SMARCA2: variants seen among roughly 807,000 people sequenced by gnomAD.
The protein encoded by SMARCA2 is SWI/SNF-related matrix-associated actin-dependent regulator of chromatin subfamily A member 2.
Under a neutral mutation model 199.8 loss-of-function variants are expected in SMARCA2, and 61 were observed. The observed-to-expected ratio is 0.31, with a 90% CI of 0.25 to 0.38. The LOEUF (loss-of-function observed/expected upper bound fraction) is 0.38. Ranked by LOEUF, SMARCA2 falls within the 10% of genes least tolerant of loss-of-function variation. The pLI is 1.00. For missense variants in SMARCA2, 1,344 were observed against 2,012.2 expected, an observed-to-expected ratio of 0.67 and a Z score of 6.35; for synonymous variants, 935 against 732.0, an observed-to-expected ratio of 1.28 and a Z score of -4.48.
At chr9:2,084,326 T>C in intron 17 of SMARCA2, 130 bp downstream of exon 17, 1 of 603,998 alleles carries the variant, frequency 1.7e-6, no homozygotes, top group Non-Finnish European at 2.9e-6. Flanking sequence ...TAAAATTTTT[T>C]CAGAGTTTGA....
intron 27 of SMARCA2, among the ~76,000 whole-genome samples, chr9:2,154,752 C>T (rs1044306595): frequency 3.3e-5 from 5 of 152,230 alleles, no homozygotes; most frequent in African/African-American, 1.2e-4. Flanking sequence ...TGTATTTTAT[C>T]TGTCTTAAAA....
intron 32 of SMARCA2, among the ~76,000 whole-genome samples, chr9:2,188,740 C>G (rs1827667641): frequency 6.6e-6 from 1 of 152,200 alleles, no homozygotes; most frequent in South Asian, 2.1e-4. Flanking sequence ...ATGAGTCTCC[C>G]TGGACTAAGA....
chr9:2,154,361 G>A (rs1380510974), intron 27 of SMARCA2, among the ~76,000 whole-genome samples: 1 of 152,074 alleles, frequency 6.6e-6, no homozygotes, highest in Non-Finnish European at 1.5e-5. Context: ...AAAAGTTGGG[G>A]CTATTTTTTT....
rs1037911923 is a variant in SMARCA2 at position 2,119,266 on chromosome 9, C to T, written c.3685-192C>T. Among the ~76,000 whole-genome samples the T allele has an allele frequency of 3.9e-5, 6 of 152,168 alleles. No individual in the cohort carries two copies. Among genetic ancestry groups the T allele is most frequent in the East Asian group, 1.9e-4 (1 of 5,198 alleles). ...AGTGGACCACAGTTTCCTCCCTGAA[C>T]GGATTTTGCTCTGGGAAGATGGTTT... On this transcript the variant is annotated intron_variant, in intron 25 of 33. Coordinates refer to ENST00000349721, the MANE Select transcript of SMARCA2 (RefSeq NM_003070.5). This position sits in a 1 kb window ranked among gnomAD's most constrained non-coding sequence, Gnocchi z 4.6.
chr9:2,142,328 A>G (rs901091707), intron 27 of SMARCA2, among the ~76,000 whole-genome samples: 3 of 152,262 alleles, frequency 2.0e-5, no homozygotes, highest in Non-Finnish European at 4.4e-5. Flanking sequence ...AGGGTAGAGG[A>G]AAGCAGAAAT....
chr9:2,101,029 A>G (rs999525301), intron 21 of SMARCA2, among the ~76,000 whole-genome samples: 2 of 152,110 alleles, frequency 1.3e-5, no homozygotes, highest in Non-Finnish European at 2.9e-5. Flanking sequence ...ATTCACAACC[A>G]TGAGAACGGC....
At chr9:2,113,735 A>T (rs1020232715) in intron 24 of SMARCA2, among the ~76,000 whole-genome samples, 1 of 152,106 alleles carries the variant, frequency 6.6e-6, no homozygotes, top group African/African-American at 2.4e-5. Flanking sequence ...CCGTGTTCCT[A>T]TGTTGTCCAT....
chr9:2,026,438 CGAG>C (rs1240043100), intron 1 of SMARCA2, among the ~76,000 whole-genome samples: 1 of 151,952 alleles, frequency 6.6e-6, no homozygotes, highest in Non-Finnish European at 1.5e-5. Context: ...GCAAAAAAAA[CGAG>C]GAGCATTTTT....
At chr9:2,120,983 A>T (rs1421147723) in intron 26 of SMARCA2, among the ~76,000 whole-genome samples, 1 of 152,192 alleles carries the variant, frequency 6.6e-6, no homozygotes, top group African/African-American at 2.4e-5. Context: ...TCCTTGAAGA[A>T]CTAATTAAAA....
At chr9:2,067,271 A>G (rs1405965632) in intron 9 of SMARCA2, among the ~76,000 whole-genome samples, 1 of 152,264 alleles carries the variant, frequency 6.6e-6, no homozygotes, top group Non-Finnish European at 1.5e-5. Flanking sequence ...CTAAGTGGAA[A>G]GCATTGTTCT....
At chr9:2,087,387 T>C (rs534923418) in intron 18 of SMARCA2, 2 of 279,984 alleles carry the variant, frequency 7.1e-6, no homozygotes, top group South Asian at 1.2e-4. Context: ...ATGGAGATAT[T>C]TTGCTGAAGT....
chr9:2,154,216 A>G (rs1825221623), intron 27 of SMARCA2, among the ~76,000 whole-genome samples: 1 of 152,214 alleles, frequency 6.6e-6, no homozygotes, highest in Non-Finnish European at 1.5e-5. Context: ...TACCCAAAGC[A>G]CTGAGTGGCT....
intron 27 of SMARCA2, chr9:2,157,899 C>G (rs1361426870): frequency 2.5e-6 from 1 of 398,510 alleles, no homozygotes; most frequent in East Asian, 3.6e-5. Flanking sequence ...TGGTGTGTGT[C>G]AGGATGAGAG....
chr9:2,045,575 A>G (rs1348401740), intron 4 of SMARCA2: 1 of 152,204 alleles, frequency 6.6e-6, no homozygotes, highest in Non-Finnish European at 1.5e-5. Flanking sequence ...TATAAAAGGT[A>G]TGCATTACAT....
intron 27 of SMARCA2, among the ~76,000 whole-genome samples, chr9:2,137,828 G>GGGCT (rs1824274972): frequency 6.6e-6 from 1 of 152,146 alleles, no homozygotes; most frequent in Non-Finnish European, 1.5e-5. Flanking sequence ...GAGGGATTTG[G>GGGCT]TTGCAGCCCC....
chr9:2,027,042 C>T (rs925413654), intron 1 of SMARCA2, among the ~76,000 whole-genome samples: 1 of 152,264 alleles, frequency 6.6e-6, no homozygotes, highest in South Asian at 2.1e-4. Context: ...CTTCCTGTTT[C>T]AGCTCTAATT....
rs1271812474 is a variant in SMARCA2 at position 2,161,443 on chromosome 9, AGTGTTTTGGGCCTTCAGT to A, written c.3982-234_3982-217del. ...ATTTGTCATATTCTCCTTTACTGTGAGTGTTTTGGGCCTTCAGTGTGTTTTGCTCATGAAACAGACTTG... is the reference window on the plus strand; with the variant it reads ...ATTTGTCATATTCTCCTTTACTGTGAGTGTTTTGCTCATGAAACAGACTTG... On this transcript the variant is annotated intron_variant, in intron 27 of 33. Transcript: ENST00000349721. The surrounding 1 kb of genome is among the most constrained non-coding windows in gnomAD (Gnocchi z 4.7). 6.6e-6 allele frequency among the ~76,000 whole-genome samples: 1 copy of A among 152,098 alleles called. No homozygotes were observed. The highest frequency in any genetic ancestry group is 1.5e-5 in the Non-Finnish European group (1 of 68,016).
At chr9:2,092,361 A>G (rs1382765869) in intron 19 of SMARCA2, among the ~76,000 whole-genome samples, 1 of 152,216 alleles carries the variant, frequency 6.6e-6, no homozygotes. Flanking sequence ...TATTCATTAT[A>G]TCAAATTTTG....
chr9:2,036,703 T>C (rs1333044369), intron 3 of SMARCA2, among the ~76,000 whole-genome samples: 1 of 152,206 alleles, frequency 6.6e-6, no homozygotes, highest in East Asian at 1.9e-4. Context: ...ATTGACTAAC[T>C]CAGAAATGAT....
Sources: gnomAD v4.1 joint callset for allele counts (sites outside exome capture counted in the v4.1 genomes callset) on GRCh38, gnomAD v4.1.1 for gene constraint, Gnocchi (gnomAD v3.1) non-coding constraint, MANE v1.5 for transcripts, NCBI Gene and HGNC (gene_info 2026-07-23, HGNC 2026-07-21) for gene names.